Variants in DDX54 observed in about 807,000 individuals in gnomAD.
The protein encoded by DDX54 is ATP-dependent RNA helicase DDX54.
Under a neutral mutation model 105.5 loss-of-function variants are expected in DDX54, and 67 were observed. That is an observed-to-expected ratio of 0.64 (90% confidence interval 0.52 to 0.78). The LOEUF is 0.78. DDX54 is among the 30% of genes least tolerant of loss of function. The pLI is 0.00. For synonymous variants in DDX54, 514 were observed against 509.9 expected (o/e 1.01, Z -0.11); for missense variants, 1,206 against 1,230.5 (o/e 0.98, Z 0.30).
chr12:113,159,000 G>T lies in DDX54; in HGVS notation c.2523C>A (p.Phe841Leu), dbSNP rs371409328. 6 of 1,611,834 alleles carry T rather than the reference G, an allele frequency of 3.7e-6. No individual in the cohort carries two copies. In the African/African-American group the frequency reaches 8.0e-5, roughly 21 times the overall value. Residue 841 changes from phenylalanine to leucine, a missense_variant, in exon 20 of 20, where the codon TTC becomes TTA. Physicochemically the swap from Phe to Leu is conservative, Grantham distance 22. This residue lies in a region of DDX54 where 961 missense variants were observed against 1,019.1 expected (regional missense o/e 0.94). Coordinates refer to ENST00000306014, the MANE Select transcript of DDX54 (RefSeq NM_024072.4). The surrounding 1 kb of genome is among the most constrained non-coding windows in gnomAD (Gnocchi z 4.9). ...KQRRRAQKLH[F>L]LQRGGLKQLS... ...GCTGCTTGAGGCCACCACGCTGCAG[G>T]AAGTGCAGCTTCTGGGCCCGGCGCC...
intron 2 of DDX54, among the ~76,000 whole-genome samples, chr12:113,180,610 C>G (rs1375715617): frequency 6.6e-6 from 1 of 152,190 alleles, no homozygotes; most frequent in Non-Finnish European, 1.5e-5. Context: ...TTCTGGCCAG[C>G]CAGGTGTCCC....
At chr12:113,165,116 T>C (rs2136315952) in intron 14 of DDX54, among the ~76,000 whole-genome samples, 1 of 152,304 alleles carries the variant, frequency 6.6e-6, no homozygotes, top group South Asian at 2.1e-4. Flanking sequence ...CCCAAGTCCA[T>C]TTGACTTCAA....
rs113099423 is a variant in DDX54, at chr12:113,178,850, G to GT, written c.614+126dup. The GT allele has an allele frequency of 9.3e-4, 1,240 of 1,330,766 alleles. 15 individuals carry two copies. In the East Asian group the frequency reaches 0.012, roughly 13 times the overall value. 82.4% of individuals were successfully genotyped at this position (1,330,766 alleles called of 1,614,324 possible). A position where few individuals can be genotyped will look rare whatever the true frequency, so the allele number is the denominator to read the frequency against. On this transcript the variant is annotated intron_variant, in intron 5 of 19. Transcript: ENST00000306014. ...GAGCCACTGGGCCCGGCCTTGTTGG[G>GT]TTTTTTGAATGAGCACAGAAGCTGC...
chr12:113,170,002 G>A lies in DDX54; in HGVS notation c.1280-98C>T, dbSNP rs1952318208. The A allele has an allele frequency of 2.7e-6, 4 of 1,506,408 alleles. No individual in the cohort carries two copies. In the Admixed American group the frequency reaches 8.2e-5, roughly 31 times the overall value. The allele number at this position is 1,506,408 out of a possible 1,614,324, so 93.3% of individuals were successfully genotyped here. A position where few individuals can be genotyped will look rare whatever the true frequency, so the allele number is the denominator to read the frequency against. On this transcript the variant is annotated intron_variant, in intron 11 of 19. Coordinates refer to ENST00000306014, the MANE Select transcript of DDX54 (RefSeq NM_024072.4). ...ACCCTGAGCAGGTGAGCCTGGCCAA[G>A]CCTCGAACCTCACACGGCTGCTGTC...
At chr12:113,165,472 A>G (rs1455103419) in intron 14 of DDX54, among the ~76,000 whole-genome samples, 172 bp downstream of exon 14, 1 of 149,684 alleles carries the variant, frequency 6.7e-6, no homozygotes, top group Non-Finnish European at 1.5e-5. Context: ...CAGGTTAAGA[A>G]GCTATAAGAA....
In DDX54 at chr12:113,165,858, G is replaced by A. The variant is rs747160403; in HGVS notation, c.1589C>T (p.Ser530Phe). 1 of 1,613,340 alleles carries A rather than the reference G, an allele frequency of 6.2e-7. No individual in the cohort carries two copies. Among genetic ancestry groups the A allele is most frequent in the Admixed American group, 1.7e-5 (1 of 59,990 alleles). ...GTCCATCTCCTTGGCCCTCTTGATG[G>A]ACTCAGGCGAGGGCGCCGGGCGTGA... ...VRSRPAPSPE[S>F]IKRAKEMDLV... is the part of the protein sequence containing the mutation. Residue 530 changes from serine to phenylalanine, a missense_variant, in exon 13 of 20, where the codon TCC (serine) becomes TTC (phenylalanine). By Grantham distance (155) the Ser-to-Phe change is radical. Coordinates refer to ENST00000306014, the MANE Select transcript of DDX54 (RefSeq NM_024072.4).
intron 1 of DDX54, 68 bp from the exon 2 acceptor site, chr12:113,181,126 G>C (rs1404453721): frequency 7.2e-6 from 11 of 1,533,352 alleles, no homozygotes; most frequent in Admixed American, 4.4e-5. Context: ...CAGGGAAGGG[G>C]CCTGTGCTGT....
At chr12:113,161,441 C>A in intron 18 of DDX54, 59 bp from the exon 19 acceptor site, 1 of 1,336,262 alleles carries the variant, frequency 7.5e-7, no homozygotes. Context: ...AGGCTCCTCC[C>A]CACACTGCCC....
chr12:113,160,090 G>A (rs547038233), intron 19 of DDX54, among the ~76,000 whole-genome samples: 2 of 152,342 alleles, frequency 1.3e-5, no homozygotes, highest in Non-Finnish European at 2.9e-5. Context: ...AGCAGAAGCT[G>A]CTGTTTCACC....
At chr12:113,176,711 A>G in intron 7 of DDX54, 129 bp downstream of exon 7, 1 of 945,612 alleles carries the variant, frequency 1.1e-6, no homozygotes, top group Non-Finnish European at 1.6e-6. Flanking sequence ...TGCAGCCCAC[A>G]TCTGGGAAGA....
intron 19 of DDX54, among the ~76,000 whole-genome samples, chr12:113,160,541 A>G (rs1592996096): frequency 6.6e-6 from 1 of 152,214 alleles, no homozygotes; most frequent in South Asian, 2.1e-4. Context: ...AACAGCCCTT[A>G]AGCACAGGCT....
chr12:113,169,215 G>A (rs1952307281), intron 12 of DDX54, among the ~76,000 whole-genome samples: 1 of 151,502 alleles, frequency 6.6e-6, no homozygotes, highest in Non-Finnish European at 1.5e-5. Flanking sequence ...TAAAATAGAG[G>A]GATTAGCCAG....
intron 10 of DDX54, among the ~76,000 whole-genome samples, chr12:113,173,529 G>A (rs1289638054): frequency 6.6e-6 from 1 of 152,150 alleles, no homozygotes; most frequent in African/African-American, 2.4e-5. Context: ...ACGGAAAGGG[G>A]CCCCACTGCC....
At chr12:113,164,999 C>T (rs935336257) in intron 14 of DDX54, among the ~76,000 whole-genome samples, 2 of 152,198 alleles carry the variant, frequency 1.3e-5, no homozygotes, top group Non-Finnish European at 2.9e-5. Context: ...TGCACTCCAG[C>T]CTGGGTGACA....
chr12:113,157,748 C>A lies in DDX54; in HGVS notation c.*1129G>T. ...CCTGAGATAGGAGGGCCCACATTTC[C>A]AATGGGGTGTGGACTGAGTGGCTCT... On this transcript the variant is annotated 3_prime_UTR_variant, in exon 20 of 20. Transcript: ENST00000306014. 3.9e-6 allele frequency: 5 copies of A among 1,266,436 alleles called. No individual in the cohort carries two copies. The highest frequency in any genetic ancestry group is 1.5e-5 in the African/African-American group (1 of 67,698). 78.4% of individuals were successfully genotyped at this position (1,266,436 alleles called of 1,614,324 possible).
At position 113,174,689 on chromosome 12, in the gene DDX54, T is replaced by A. The variant is rs766858842; in HGVS notation, c.1019A>T (p.Gln340Leu). 4.3e-6 allele frequency: 7 copies of A among 1,609,922 alleles called. No homozygotes were observed. The Admixed American group carries it at 1.0e-4, about 23-fold the overall frequency. ...LLHNVVRPQDQTVVFVATKHH... is the reference protein window; with the variant it reads ...LLHNVVRPQDLTVVFVATKHH... The stretch of plus-strand genomic sequence containing the variant: ...CTTCGTGGCCACAAACACCACGGTC[T>A]GGTCCTGGGGCCGCACCACGTTGTG... The change falls in exon 10 of 20, where the codon CAG (glutamine) becomes CTG (leucine). Residue 340 changes from glutamine to leucine, a missense_variant. Gln to Leu is a moderately radical substitution (Grantham distance 113). Coordinates refer to ENST00000306014, the MANE Select transcript of DDX54 (RefSeq NM_024072.4).
rs191674171 is a variant in DDX54 at position 113,157,531 on chromosome 12, C to A, written c.*1346G>T. On this transcript the variant is annotated 3_prime_UTR_variant, in exon 20 of 20. Transcript: ENST00000306014. Reference sequence around the variant, plus strand: ...CCCCGCCCTACCTTTCGGCCTCCCCCGCGTGTTGAGGGGTGGGGGCTGGAC... The same window carrying A: ...CCCCGCCCTACCTTTCGGCCTCCCCAGCGTGTTGAGGGGTGGGGGCTGGAC... 1.5e-6 allele frequency: 2 copies of A among 1,319,466 alleles called. No individual in the cohort carries two copies. Among genetic ancestry groups the A allele is most frequent in the Admixed American group, 2.0e-5 (1 of 50,328 alleles). The allele number at this position is 1,319,466 out of a possible 1,614,324, so 81.7% of individuals were successfully genotyped here. A position where few individuals can be genotyped will look rare whatever the true frequency, so the allele number is the denominator to read the frequency against.
At position 113,157,935 on chromosome 12, in the gene DDX54, A is replaced by G; in HGVS notation, c.*942T>C. 1 of 545,262 alleles carries G rather than the reference A, an allele frequency of 1.8e-6. No individual in the cohort carries two copies. 33.8% of individuals were successfully genotyped at this position (545,262 alleles called of 1,614,324 possible). A position where few individuals can be genotyped will look rare whatever the true frequency, so the allele number is the denominator to read the frequency against. The stretch of plus-strand genomic sequence containing the variant: ...CTATGTGTGGGGCAACTGCCTCTAA[A>G]ATGAGATCAGACCAGGCCCTCCCTG... On this transcript the variant is annotated 3_prime_UTR_variant, in exon 20 of 20. Transcript: ENST00000306014.
chr12:113,179,343 C>T lies in DDX54; in HGVS notation c.376-12G>A. 3 of 1,611,022 alleles carry T rather than the reference C, an allele frequency of 1.9e-6. No homozygotes were observed. The highest frequency in any genetic ancestry group is 2.5e-6 in the Non-Finnish European group (3 of 1,179,790). On this transcript the variant is annotated splice_polypyrimidine_tract_variant and intron_variant, in intron 3 of 19. Transcript: ENST00000306014. ...ATCACCGGGATGGTCTGGAGAGGCACAAGCAGGGAAGTCAAGGTCAGCTCC... is the reference window on the plus strand; with the variant it reads ...ATCACCGGGATGGTCTGGAGAGGCATAAGCAGGGAAGTCAAGGTCAGCTCC...
Sources: allele counts gnomAD v4.1 joint callset (sites outside exome capture counted in the v4.1 genomes callset), GRCh38; gene constraint gnomAD v4.1.1; regional missense constraint gnomAD v4.1.1; non-coding constraint Gnocchi (gnomAD v3.1); transcripts MANE v1.5; gene names NCBI Gene and HGNC (gene_info 2026-07-23, HGNC 2026-07-21).